KCNMA1: variants seen among roughly 807,000 people sequenced by gnomAD.
KCNMA1 encodes the protein Calcium-activated potassium channel subunit alpha-1.
A neutral mutation model predicts 140.0 loss-of-function variants in KCNMA1; 29 were observed. That is an observed-to-expected ratio of 0.21 (90% confidence interval 0.15 to 0.28). The LOEUF (loss-of-function observed/expected upper bound fraction) is 0.28, where lower values mean the gene tolerates loss of function less well. Ranked by LOEUF, KCNMA1 falls within the 10% of genes least tolerant of loss-of-function variation. The pLI, the probability that KCNMA1 is intolerant of heterozygous loss-of-function variation, is 1.00. For synonymous variants in KCNMA1, 612 were observed against 611.9 expected, an observed-to-expected ratio of 1.00 and a Z score of 0.00; for missense variants, 880 against 1,602.2, an observed-to-expected ratio of 0.55 and a Z score of 7.70.
intron 1 of KCNMA1, among the ~76,000 whole-genome samples, chr10:77,549,541 G>C (rs1033892661): frequency 1.3e-5 from 2 of 152,188 alleles, no homozygotes; most frequent in African/African-American, 2.4e-5. Flanking sequence ...AACCAGTTGT[G>C]GGCTGCAGTG....
At chr10:77,171,079 G>T (rs1231476523) in intron 5 of KCNMA1, among the ~76,000 whole-genome samples, 1 of 152,202 alleles carries the variant, frequency 6.6e-6, no homozygotes, top group Non-Finnish European at 1.5e-5. Flanking sequence ...TAGAATTCAA[G>T]TTCAGCCTCA....
At chr10:77,516,523 T>C (rs1316077378) in intron 1 of KCNMA1, among the ~76,000 whole-genome samples, 1 of 152,238 alleles carries the variant, frequency 6.6e-6, no homozygotes, top group Non-Finnish European at 1.5e-5. Flanking sequence ...GGACAGCGCC[T>C]GACCCATGGT....
At chr10:77,600,850 C>T (rs544921687) in intron 1 of KCNMA1, among the ~76,000 whole-genome samples, 10 of 152,124 alleles carry the variant, frequency 6.6e-5, no homozygotes, top group Non-Finnish European at 1.2e-4. Context: ...TAGGTGACAG[C>T]GCCCAGGCAT....
At chr10:77,499,987 G>T (rs917051171) in intron 1 of KCNMA1, among the ~76,000 whole-genome samples, 1 of 152,094 alleles carries the variant, frequency 6.6e-6, no homozygotes, top group Admixed American at 6.6e-5. Flanking sequence ...TTTATCTTAC[G>T]TGGCAAGGAG....
intron 1 of KCNMA1, among the ~76,000 whole-genome samples, chr10:77,514,621 G>A (rs1007044699): frequency 6.6e-5 from 10 of 152,166 alleles, no homozygotes; most frequent in Admixed American, 3.3e-4. Context: ...CTGGGTATGC[G>A]GAGAGAGAAC....
chr10:77,302,895 C>T (rs561489929), intron 2 of KCNMA1, among the ~76,000 whole-genome samples: 1 of 152,194 alleles, frequency 6.6e-6, no homozygotes, highest in South Asian at 2.1e-4. Context: ...TTATCCAAGA[C>T]TTGTAGCTTG....
intron 1 of KCNMA1, among the ~76,000 whole-genome samples, chr10:77,622,922 A>G (rs1054910079): frequency 3.9e-5 from 6 of 152,252 alleles, no homozygotes; most frequent in Non-Finnish European, 8.8e-5. Context: ...TAGACAGGCT[A>G]TCTTAGAGAC....
At chr10:77,583,827 A>C (rs1318152304) in intron 1 of KCNMA1, among the ~76,000 whole-genome samples, 1 of 152,200 alleles carries the variant, frequency 6.6e-6, no homozygotes, top group African/African-American at 2.4e-5. Context: ...CCACTTCCTA[A>C]AGGCTTTGGT....
chr10:77,143,101 A>G (rs962731673), intron 5 of KCNMA1, among the ~76,000 whole-genome samples: 8 of 152,164 alleles, frequency 5.3e-5, no homozygotes, highest in African/African-American at 9.7e-5. Context: ...TTGAAACCTA[A>G]TAAGAGTATT....
At chr10:76,902,023 G>A (rs551598187) in intron 25 of KCNMA1, 1 of 152,348 alleles carries the variant, frequency 6.6e-6, no homozygotes, top group South Asian at 2.1e-4. Flanking sequence ...AGGGTGTCAG[G>A]TCAGTCATAT....
chr10:77,079,330 T>C, intron 13 of KCNMA1, 151 bp downstream of exon 13: 1 of 688,218 alleles, frequency 1.5e-6, no homozygotes, highest in Non-Finnish European at 2.7e-6. Context: ...CACACCTCTT[T>C]ACCCAGGTCT....
intron 5 of KCNMA1, among the ~76,000 whole-genome samples, chr10:77,159,366 A>G (rs1394586925): frequency 2.6e-5 from 4 of 152,142 alleles, no homozygotes. Context: ...AATTACTAGC[A>G]TCTATCTTAG....
chr10:77,595,828 T>C (rs1444104866), intron 1 of KCNMA1, among the ~76,000 whole-genome samples: 1 of 152,198 alleles, frequency 6.6e-6, no homozygotes, highest in African/African-American at 2.4e-5. Flanking sequence ...TTTATATTTT[T>C]AGTAGAGACT....
intron 5 of KCNMA1, among the ~76,000 whole-genome samples, chr10:77,135,797 G>A (rs760879996): frequency 6.6e-6 from 1 of 152,080 alleles, no homozygotes; most frequent in African/African-American, 2.4e-5. Flanking sequence ...AGAAAGAGGG[G>A]CTGGGGCGGT....
intron 1 of KCNMA1, among the ~76,000 whole-genome samples, chr10:77,459,732 C>T (rs539948133): frequency 2.1e-4 from 32 of 152,336 alleles, no homozygotes; most frequent in Admixed American, 7.2e-4. Context: ...CCCAGGGGCC[C>T]GCTCTTGGCA....
intron 23 of KCNMA1, among the ~76,000 whole-genome samples, chr10:76,937,134 G>A (rs369221945): frequency 1.3e-5 from 2 of 152,188 alleles, no homozygotes; most frequent in African/African-American, 4.8e-5. Flanking sequence ...TAGGAGGCTC[G>A]CTGCATTTGC....
At chr10:77,582,561 C>A (rs1011586903) in intron 1 of KCNMA1, among the ~76,000 whole-genome samples, 3 of 152,160 alleles carry the variant, frequency 2.0e-5, no homozygotes, top group Admixed American at 2.0e-4. Context: ...CACCTGTATC[C>A]CAGAACTTAA....
chr10:77,492,973 T>C (rs903924272), intron 1 of KCNMA1, among the ~76,000 whole-genome samples: 1 of 152,262 alleles, frequency 6.6e-6, no homozygotes, highest in African/African-American at 2.4e-5. Context: ...GAAATCATTC[T>C]CCTGTGGTCA....
chr10:77,624,187 A>T (rs2092093206), intron 1 of KCNMA1, among the ~76,000 whole-genome samples: 1 of 152,180 alleles, frequency 6.6e-6, no homozygotes, highest in African/African-American at 2.4e-5. Flanking sequence ...AAGGAAAAGG[A>T]TCAAAGTAAG....
Sources: gnomAD v4.1 joint callset for allele counts (sites outside exome capture counted in the v4.1 genomes callset) on GRCh38, gnomAD v4.1.1 for gene constraint, MANE v1.5 for transcripts, NCBI Gene and HGNC (gene_info 2026-07-23, HGNC 2026-07-21) for gene names.